GPR176: variants seen among roughly 807,000 people sequenced by gnomAD.
GPR176 encodes G-protein coupled receptor 176.
Under a neutral mutation model 35.4 loss-of-function variants are expected in GPR176, and 26 were observed. The ratio of observed to expected loss-of-function variants is 0.74; its 90% CI spans 0.54 to 1.02. The LOEUF (loss-of-function observed/expected upper bound fraction) is 1.02, where lower values mean the gene tolerates loss of function less well. Among genes scored for constraint, GPR176 ranks in the 50% least tolerant of loss-of-function variants. The pLI is 0.00. For synonymous variants in GPR176, 278 were observed against 271.3 expected, an observed-to-expected ratio of 1.02 and a Z score of -0.24; for missense variants, 597 against 665.3, an observed-to-expected ratio of 0.90 and a Z score of 1.13.
At chr15:39,874,422 T>C (rs966779479) in intron 1 of GPR176, among the ~76,000 whole-genome samples, 3 of 152,236 alleles carry the variant, frequency 2.0e-5, no homozygotes, top group African/African-American at 7.2e-5. Flanking sequence ...ATCTTTTTTT[T>C]ATATTGACAG....
chr15:39,817,196 A>T (rs979990960), intron 1 of GPR176, among the ~76,000 whole-genome samples: 3 of 151,068 alleles, frequency 2.0e-5, no homozygotes, highest in African/African-American at 7.4e-5. Context: ...CAAGACGGAA[A>T]AAAACTATTC....
At chr15:39,840,366 G>A (rs992137760) in intron 1 of GPR176, among the ~76,000 whole-genome samples, 1 of 152,160 alleles carries the variant, frequency 6.6e-6, no homozygotes, top group Non-Finnish European at 1.5e-5. Flanking sequence ...ATCATTCTGA[G>A]CAAACTATTG....
intron 1 of GPR176, among the ~76,000 whole-genome samples, chr15:39,869,397 T>C (rs1030333887): frequency 6.6e-6 from 1 of 152,152 alleles, no homozygotes; most frequent in African/African-American, 2.4e-5. Context: ...AAGGTGCTCA[T>C]GACATCGCTA....
At chr15:39,850,545 T>C (rs1057457795) in intron 1 of GPR176, among the ~76,000 whole-genome samples, 4 of 152,102 alleles carry the variant, frequency 2.6e-5, no homozygotes, top group Admixed American at 2.0e-4. Context: ...TGGTGGTTGC[T>C]AGGGGTTAAG....
chr15:39,886,241 AAAAG>A (rs1284666684), intron 1 of GPR176, among the ~76,000 whole-genome samples: 5 of 152,282 alleles, frequency 3.3e-5, no homozygotes, highest in Middle Eastern at 3.4e-3. Flanking sequence ...CTCAAAAAAA[AAAAG>A]AAAGAAAGAA....
Position 39,919,965 on chromosome 15 carries a change from G to A in GPR176, c.62C>T (p.Ala21Val). The A allele has an allele frequency of 6.7e-7, 1 of 1,481,912 alleles. No homozygotes were observed. Among genetic ancestry groups the A allele is most frequent in the Non-Finnish European group, 9.0e-7 (1 of 1,116,176 alleles). The allele number at this position is 1,481,912 out of a possible 1,614,324, so 91.8% of individuals were successfully genotyped here. ...GCTGCGGTTCACACCCGCAGCCTCG[G>A]CGCCGGACGCGTTGTGCGGCTCGCT... ...NASEPHNASG[A>V]EAAGVNRSAL... Residue 21 changes from alanine (A) to valine (V), a missense_variant, in exon 1 of 3, where the codon GCC (alanine) becomes GTC (valine). Ala to Val is a moderately conservative substitution (Grantham distance 64). Coordinates refer to ENST00000561100, the MANE Select transcript of GPR176 (RefSeq NM_007223.3).
chr15:39,829,435 G>A (rs1900913937), intron 1 of GPR176, among the ~76,000 whole-genome samples: 3 of 152,118 alleles, frequency 2.0e-5, no homozygotes, highest in African/African-American at 7.2e-5. Flanking sequence ...GATCTACAGG[G>A]AAAAGTGAGT....
At chr15:39,916,870 T>C (rs1356732152) in intron 1 of GPR176, among the ~76,000 whole-genome samples, 1 of 152,244 alleles carries the variant, frequency 6.6e-6, no homozygotes, top group Non-Finnish European at 1.5e-5. Context: ...CTTGCCTTGC[T>C]TCTGACTGCA....
intron 1 of GPR176, among the ~76,000 whole-genome samples, chr15:39,907,501 C>T (rs2033456527): frequency 6.6e-6 from 1 of 152,192 alleles, no homozygotes. Flanking sequence ...AAACATGGAG[C>T]AGCTCATTTT....
Position 39,801,868 on chromosome 15 carries a change from A to G in GPR176, c.812T>C (p.Met271Thr). 6.2e-7 allele frequency: 1 copy of G among 1,614,068 alleles called. No homozygotes were observed. The highest frequency in any genetic ancestry group is 1.1e-5 in the South Asian group (1 of 91,074). The change falls in exon 3 of 3, where the codon ATG becomes ACG. Residue 271 changes from methionine (M) to threonine (T), a missense_variant. By Grantham distance (81) the Met-to-Thr change is moderately conservative. This residue lies in a region of GPR176 where 220 missense variants were observed against 297.6 expected (regional missense o/e 0.74). Transcript: ENST00000561100. ...GCTACACAAGATGAAGACCATCACCATGGAGAGCAGGGTGGCGTGCAGCTC... is the reference window on the plus strand; with the variant it reads ...GCTACACAAGATGAAGACCATCACCGTGGAGAGCAGGGTGGCGTGCAGCTC... ...EAELHATLLS[M>T]VMVFILCSVP...
At chr15:39,828,035 G>A (rs1595457189) in intron 1 of GPR176, among the ~76,000 whole-genome samples, 1 of 152,198 alleles carries the variant, frequency 6.6e-6, no homozygotes, top group Non-Finnish European at 1.5e-5. Flanking sequence ...TATAATAAAT[G>A]TGTGACTTAA....
chr15:39,868,344 A>G (rs1379425892), intron 1 of GPR176, among the ~76,000 whole-genome samples: 1 of 152,198 alleles, frequency 6.6e-6, no homozygotes, highest in Non-Finnish European at 1.5e-5. Context: ...TTTTCTCAAC[A>G]AAGGCAGTCC....
chr15:39,893,857 G>C (rs573928512), intron 1 of GPR176, among the ~76,000 whole-genome samples: 1 of 133,166 alleles, frequency 7.5e-6, no homozygotes, highest in Non-Finnish European at 1.6e-5. Flanking sequence ...AGGGGCGGCC[G>C]GGCAGAGGCG....
At chr15:39,859,800 C>T (rs2031477115) in intron 1 of GPR176, among the ~76,000 whole-genome samples, 2 of 152,070 alleles carry the variant, frequency 1.3e-5, no homozygotes, top group Admixed American at 6.5e-5. Context: ...TGGTTAACGG[C>T]GGCTGGGGTG....
intron 1 of GPR176, among the ~76,000 whole-genome samples, chr15:39,872,738 A>C (rs2032090955): frequency 6.6e-6 from 1 of 152,160 alleles, no homozygotes; most frequent in Admixed American, 6.5e-5. Flanking sequence ...GAGGTGCCAC[A>C]CGTACCTTTA....
intron 1 of GPR176, among the ~76,000 whole-genome samples, chr15:39,823,588 C>T (rs1900421572): frequency 6.6e-6 from 1 of 152,170 alleles, no homozygotes; most frequent in African/African-American, 2.4e-5. Context: ...GCTGGTCTCC[C>T]CACACTGCTC....
intron 1 of GPR176, among the ~76,000 whole-genome samples, chr15:39,831,124 G>A (rs1901052324): frequency 6.6e-6 from 1 of 152,182 alleles, no homozygotes; most frequent in African/African-American, 2.4e-5. Context: ...TGTTAACTTG[G>A]TTTTTAGGTA....
At chr15:39,833,376 A>G (rs1442319537) in intron 1 of GPR176, among the ~76,000 whole-genome samples, 12 of 152,226 alleles carry the variant, frequency 7.9e-5, no homozygotes, top group African/African-American at 2.9e-4. Flanking sequence ...CAAAAACATC[A>G]TGCTAAATAA....
At chr15:39,820,403 T>G (rs758726067) in intron 1 of GPR176, among the ~76,000 whole-genome samples, 4 of 152,028 alleles carry the variant, frequency 2.6e-5, no homozygotes, top group Non-Finnish European at 5.9e-5. Flanking sequence ...GCCAGCTCAA[T>G]AAGAGAATGG....
Sources: allele counts gnomAD v4.1 joint callset (sites outside exome capture counted in the v4.1 genomes callset), GRCh38; gene constraint gnomAD v4.1.1; regional missense constraint gnomAD v4.1.1; transcripts MANE v1.5; gene names NCBI Gene and HGNC (gene_info 2026-07-23, HGNC 2026-07-21).